Variants in NAIP observed in about 807,000 individuals in gnomAD.
NAIP encodes the protein NLR family apoptosis inhibitory protein.
A neutral mutation model predicts 23.0 loss-of-function variants in NAIP; 15 were observed. The ratio of observed to expected loss-of-function variants is 0.65; its 90% CI spans 0.44 to 1.00. The LOEUF is 1.00. NAIP is among the 50% of genes least tolerant of loss of function. NAIP has a pLI of 0.00. For synonymous variants in NAIP, 100 were observed against 100.2 expected, an observed-to-expected ratio of 1.00 and a Z score of 0.01; for missense variants, 265 against 278.8, an observed-to-expected ratio of 0.95 and a Z score of 0.35.
intron 5 of NAIP, among the ~76,000 whole-genome samples, chr5:71,008,467 C>G (rs1047313790): frequency 1.1e-5 from 1 of 87,766 alleles, no homozygotes; most frequent in Non-Finnish European, 2.3e-5. Flanking sequence ...ATCCAACCAA[C>G]AACTTTGCAT....
intron 4 of NAIP, chr5:71,011,621 T>G: frequency 3.7e-6 from 2 of 537,566 alleles, no homozygotes; most frequent in Non-Finnish European, 6.7e-6. Flanking sequence ...CCAGAGCTGG[T>G]ATGTTGCTCT....
chr5:71,013,275 A>T (rs1751254594), intron 3 of NAIP, among the ~76,000 whole-genome samples: 1 of 151,404 alleles, frequency 6.6e-6, no homozygotes, highest in African/African-American at 2.4e-5. Context: ...AAAATTGTAT[A>T]GCCTGGCAGC....
intron 6 of NAIP, among the ~76,000 whole-genome samples, chr5:71,002,457 G>A (rs1321157078): frequency 6.8e-6 from 1 of 147,074 alleles, no homozygotes. Context: ...CGTCCAGGCT[G>A]GAGCACAGTG....
chr5:71,009,369 A>C (rs1415205193), intron 5 of NAIP, among the ~76,000 whole-genome samples: 1 of 149,032 alleles, frequency 6.7e-6, no homozygotes, highest in Non-Finnish European at 1.5e-5. Context: ...TCTCAAAAAA[A>C]AAAAAAAAAG....
At chr5:71,012,982 C>T in intron 3 of NAIP, 64 bp from the exon 4 acceptor site, 4 of 1,357,888 alleles carry the variant, frequency 2.9e-6, no homozygotes, top group Non-Finnish European at 3.0e-6. Context: ...GAGCATTTCC[C>T]ACTGTTTCCG....
chr5:71,014,801 G>A (rs1751356496), intron 3 of NAIP, among the ~76,000 whole-genome samples: 1 of 151,484 alleles, frequency 6.6e-6, no homozygotes, highest in African/African-American at 2.4e-5. Context: ...TACTCAGGAG[G>A]CTGAGGCGGG....
intron 5 of NAIP, among the ~76,000 whole-genome samples, chr5:71,010,563 G>C (rs890257632): frequency 6.6e-6 from 1 of 150,974 alleles, no homozygotes; most frequent in African/African-American, 2.4e-5. Context: ...CACCGCGCCT[G>C]GCCAATTTTT....
chr5:71,011,010 A>G (rs1751125639), intron 5 of NAIP, among the ~76,000 whole-genome samples: 2 of 151,174 alleles, frequency 1.3e-5, no homozygotes, highest in South Asian at 2.1e-4. Context: ...AGGTGGGTGG[A>G]CTGCCTGAGC....
At chr5:71,013,398 G>A (rs1487125509) in intron 3 of NAIP, among the ~76,000 whole-genome samples, 1 of 151,060 alleles carries the variant, frequency 6.6e-6, no homozygotes, top group East Asian at 1.9e-4. Flanking sequence ...CAGCACTTTG[G>A]GAGGCCGAGG....
intron 3 of NAIP, among the ~76,000 whole-genome samples, chr5:71,014,398 A>C (rs1751335824): frequency 6.6e-6 from 1 of 151,382 alleles, no homozygotes; most frequent in South Asian, 2.1e-4. Flanking sequence ...CAGTGGCGCA[A>C]TCTCAGCTCC....
intron 3 of NAIP, among the ~76,000 whole-genome samples, 184 bp from the exon 4 acceptor site, chr5:71,013,102 C>T (rs534273743): frequency 6.6e-6 from 1 of 151,678 alleles, no homozygotes; most frequent in East Asian, 1.9e-4. Context: ...ATTTACTAAG[C>T]ACCTACTATA....
At chr5:71,011,563 G>A (rs1751161513) in intron 4 of NAIP, 189 bp from the exon 5 acceptor site, 1 of 597,492 alleles carries the variant, frequency 1.7e-6, no homozygotes, top group Non-Finnish European at 3.0e-6. Context: ...CGTGCTCTAG[G>A]TACAGAACCC....
rs1750738453 is a variant in NAIP, at chr5:70,999,550, ATATATT to A, written c.923-733_923-728del. Among the ~76,000 whole-genome samples, 2 of 38,526 alleles carry A rather than the reference ATATATT, an allele frequency of 5.2e-5. 1 individual carries two copies. 25.3% of individuals were successfully genotyped at this position (38,526 alleles called of 152,430 possible). ...TCGTTTAATGAATGAATCAGAAAGA[ATATATT>A]TAGAGCTCACGGAAAAAAAATACCA... On this transcript the variant is annotated intron_variant, in intron 8 of 16. Coordinates refer to ENST00000517649, the MANE Select transcript of NAIP (RefSeq NM_004536.3).
chr5:71,014,150 T>G (rs1013114781), intron 3 of NAIP, among the ~76,000 whole-genome samples: 15 of 150,150 alleles, frequency 1.0e-4, no homozygotes, highest in African/African-American at 3.7e-4. Context: ...CAGGCTGGAG[T>G]GCAGTGGCGT....
At chr5:71,002,424 T>TTTG (rs1750837389) in intron 6 of NAIP, among the ~76,000 whole-genome samples, 3 of 119,826 alleles carry the variant, frequency 2.5e-5, no homozygotes, top group African/African-American at 1.1e-4. Context: ...TTTTTTTTTT[T>TTTG]TTGAGACAGA....
rs546972006 is a variant in NAIP, at chr5:71,011,671, C to T, written c.569-297G>A. The T allele has an allele frequency of 1.4e-4, 67 of 488,998 alleles. 1 individual carries two copies. In the East Asian group the frequency reaches 2.1e-3, roughly 16 times the overall value. The allele number at this position is 488,998 out of a possible 1,614,324, so 30.3% of individuals were successfully genotyped here. A position where few individuals can be genotyped will look rare whatever the true frequency, so the allele number is the denominator to read the frequency against. ...TCAAAGTGATAGGGAAGCCGACTAA[C>T]ACCAGGACCAGCTGAAGTAACGTGC... On this transcript the variant is annotated intron_variant, in intron 4 of 16. Transcript: ENST00000517649.
In NAIP at chr5:71,011,348, A is replaced by T; in HGVS notation, c.595T>A (p.Ser199Thr). 1 of 1,606,102 alleles carries T rather than the reference A, an allele frequency of 6.2e-7. No homozygotes were observed. Among genetic ancestry groups the T allele is most frequent in the Non-Finnish European group, 8.5e-7 (1 of 1,175,372 alleles). Residue 199 changes from serine to threonine, a missense_variant, in exon 5 of 17, where the codon TCC (serine) becomes ACC (threonine). This residue lies in a region of NAIP where 261 missense variants were observed against 259.2 expected (regional missense o/e 1.01). Coordinates refer to ENST00000517649, the MANE Select transcript of NAIP (RefSeq NM_004536.3). ...CAATTTCCTAAACATCCACCACAGG[A>T]AAAACACTGTACCGTGTCCTGTTTA... ...TGKQDTVQCF[S>T]CGGCLGNWEE...
intron 5 of NAIP, among the ~76,000 whole-genome samples, chr5:71,008,714 G>A (rs1286792391): frequency 1.6e-5 from 1 of 63,014 alleles, no homozygotes; most frequent in Admixed American, 2.0e-4. Context: ...TGAGGCAGGA[G>A]AATCGCTTGA....
At chr5:71,010,964 G>A (rs1276411765) in intron 5 of NAIP, among the ~76,000 whole-genome samples, 1 of 151,224 alleles carries the variant, frequency 6.6e-6, no homozygotes, top group African/African-American at 2.4e-5. Context: ...CAGGCACAGT[G>A]GCTCACGCCT....
Sources: allele counts gnomAD v4.1 joint callset (sites outside exome capture counted in the v4.1 genomes callset), GRCh38; gene constraint gnomAD v4.1.1; regional missense constraint gnomAD v4.1.1; transcripts MANE v1.5; gene names NCBI Gene and HGNC (gene_info 2026-07-23, HGNC 2026-07-21).